PIP5K1B: variants seen among roughly 807,000 people sequenced by gnomAD.
The protein encoded by PIP5K1B is phosphatidylinositol 4-phosphate 5-kinase type-1 beta.
In PIP5K1B, 42 loss-of-function variants were observed where a neutral mutation model predicts 67.0. The ratio of observed to expected loss-of-function variants is 0.63; its 90% confidence interval spans 0.49 to 0.81. The LOEUF is 0.81. Among genes scored for constraint, PIP5K1B ranks in the 30% least tolerant of loss-of-function variants. The pLI is 0.00. For missense variants in PIP5K1B, 459 were observed against 646.3 expected, an observed-to-expected ratio of 0.71 and a Z score of 3.14; for synonymous variants, 214 against 231.4, an observed-to-expected ratio of 0.92 and a Z score of 0.68.
chr9:68,785,595 A>G (rs1274839609), intron 2 of PIP5K1B, among the ~76,000 whole-genome samples: 1 of 152,242 alleles, frequency 6.6e-6, no homozygotes, highest in Admixed American at 6.5e-5. Flanking sequence ...AAATATATCA[A>G]TGCATTTAAT....
At chr9:68,849,370 G>A (rs1258749438) in intron 4 of PIP5K1B, among the ~76,000 whole-genome samples, 1 of 152,100 alleles carries the variant, frequency 6.6e-6, no homozygotes, top group African/African-American at 2.4e-5. Flanking sequence ...GAATAGTACA[G>A]TCTCATTTTA....
intron 2 of PIP5K1B, chr9:68,781,209 G>T: frequency 1.4e-6 from 1 of 736,114 alleles, no homozygotes. Context: ...GGATACCCTT[G>T]AATTCAGTGT....
chr9:68,862,864 A>C (rs1227945734), intron 4 of PIP5K1B, among the ~76,000 whole-genome samples: 1 of 151,310 alleles, frequency 6.6e-6, no homozygotes, highest in East Asian at 1.9e-4. Context: ...ACCATATTCT[A>C]TCATAGAAAT....
chr9:68,852,167 C>T (rs1259692481), intron 4 of PIP5K1B, among the ~76,000 whole-genome samples: 1 of 152,022 alleles, frequency 6.6e-6, no homozygotes, highest in Non-Finnish European at 1.5e-5. Flanking sequence ...CACCATGGCA[C>T]ATGTATACCT....
chr9:68,996,681 T>A (rs1436073552), intron 15 of PIP5K1B, among the ~76,000 whole-genome samples: 1 of 152,220 alleles, frequency 6.6e-6, no homozygotes, highest in Non-Finnish European at 1.5e-5. Flanking sequence ...CTTTGCCTGA[T>A]GTAGAATGCA....
chr9:68,916,528 G>A (rs1426185440), intron 8 of PIP5K1B, among the ~76,000 whole-genome samples: 3 of 152,104 alleles, frequency 2.0e-5, no homozygotes, highest in Admixed American at 6.6e-5. Flanking sequence ...GCTTTGTTGA[G>A]ATTATATTTT....
chr9:68,761,642 C>T (rs1830189270), intron 2 of PIP5K1B, among the ~76,000 whole-genome samples: 1 of 152,108 alleles, frequency 6.6e-6, no homozygotes, highest in Non-Finnish European at 1.5e-5. Flanking sequence ...AGTTAGGCTG[C>T]ATTCCTTGGC....
intron 4 of PIP5K1B, among the ~76,000 whole-genome samples, chr9:68,846,542 A>G (rs1822201692): frequency 6.6e-6 from 1 of 152,136 alleles, no homozygotes; most frequent in African/African-American, 2.4e-5. Context: ...CATATGGAAA[A>G]ATGATTTGAG....
chr9:68,820,215 C>A (rs549104291), intron 3 of PIP5K1B, among the ~76,000 whole-genome samples: 1 of 152,286 alleles, frequency 6.6e-6, no homozygotes, highest in East Asian at 1.9e-4. Flanking sequence ...CTGTATTTTA[C>A]CCTGAGCCTG....
At chr9:68,990,786 C>T (rs1252785076) in intron 14 of PIP5K1B, among the ~76,000 whole-genome samples, 1 of 151,834 alleles carries the variant, frequency 6.6e-6, no homozygotes, top group Non-Finnish European at 1.5e-5. Context: ...GCCTCAGCCT[C>T]CTGAGTAGCT....
At chr9:68,858,161 A>T (rs1822879632) in intron 4 of PIP5K1B, among the ~76,000 whole-genome samples, 1 of 151,904 alleles carries the variant, frequency 6.6e-6, no homozygotes, top group African/African-American at 2.4e-5. Flanking sequence ...TTTAGTAGAG[A>T]CGCGGTTTCA....
rs144585538 is a variant in PIP5K1B at position 68,911,137 on chromosome 9, G to A, written c.772-6411G>A. The stretch of plus-strand genomic sequence containing the variant: ...GCCTGTAATCCCAGCACTTTGGGAG[G>A]CTGAGGTAGGTGGATCACTTGAGGT... On this transcript the variant is annotated intron_variant, in intron 8 of 15. Coordinates refer to ENST00000265382, the MANE Select transcript of PIP5K1B (RefSeq NM_003558.4). Among the ~76,000 whole-genome samples the A allele has an allele frequency of 8.5e-4, 130 of 152,290 alleles. 1 individual carries two copies. Among genetic ancestry groups the A allele is most frequent in the African/African-American group, 3.0e-3 (126 of 41,566 alleles).
chr9:68,762,732 G>A (rs1389506264), intron 2 of PIP5K1B, among the ~76,000 whole-genome samples: 1 of 152,124 alleles, frequency 6.6e-6, no homozygotes, highest in Non-Finnish European at 1.5e-5. Context: ...AGAGGGCTCA[G>A]TGGTTAAGTT....
At chr9:68,962,682 T>C (rs1828815442) in intron 14 of PIP5K1B, among the ~76,000 whole-genome samples, 1 of 152,244 alleles carries the variant, frequency 6.6e-6, no homozygotes, top group South Asian at 2.1e-4. Flanking sequence ...CCAAGCTTAC[T>C]ATTCTTTATG....
At chr9:68,948,733 G>T (rs1032097120) in intron 14 of PIP5K1B, among the ~76,000 whole-genome samples, 8 of 146,602 alleles carry the variant, frequency 5.5e-5, no homozygotes, top group African/African-American at 1.7e-4. Flanking sequence ...AAAAATAGAA[G>T]AAAAAACATG....
chr9:68,888,924 T>C, intron 6 of PIP5K1B, 57 bp from the exon 7 acceptor site: 1 of 1,234,744 alleles, frequency 8.1e-7, no homozygotes, highest in East Asian at 2.3e-5. Context: ...TTGTCCTCCT[T>C]GGAGGCATCA....
At chr9:68,935,072 G>C in intron 13 of PIP5K1B, 27 bp downstream of exon 13, 1 of 1,592,060 alleles carries the variant, frequency 6.3e-7, no homozygotes, top group Non-Finnish European at 8.6e-7. Context: ...TTTTTAAAAA[G>C]ACAAACGTTC....
At position 68,912,675 on chromosome 9, in the gene PIP5K1B, A is replaced by G. The variant is rs117049732; in HGVS notation, c.772-4873A>G. 1.3e-3 allele frequency among the ~76,000 whole-genome samples: 203 copies of G among 152,306 alleles called. 2 individuals carry two copies. The highest frequency in any genetic ancestry group is 8.2e-4 in the Non-Finnish European group (56 of 68,016). On this transcript the variant is annotated intron_variant, in intron 8 of 15. Transcript: ENST00000265382. ...GAAATGTTAAATACTTTGCCCAAAA[A>G]CAAGCAAGTGGGGGAGCCATGAGTC...
chr9:68,707,125 G>C (rs1827162970), intron 1 of PIP5K1B, among the ~76,000 whole-genome samples: 1 of 152,128 alleles, frequency 6.6e-6, no homozygotes, highest in Admixed American at 6.5e-5. Flanking sequence ...GGAAACGGTG[G>C]TTCTGATATG....
Sources: gnomAD v4.1 joint callset for allele counts (sites outside exome capture counted in the v4.1 genomes callset) on GRCh38, gnomAD v4.1.1 for gene constraint, MANE v1.5 for transcripts, NCBI Gene and HGNC (gene_info 2026-07-23, HGNC 2026-07-21) for gene names.